Variants in ADAMTS3 observed in about 807,000 individuals in gnomAD.
ADAMTS3 encodes A disintegrin and metalloproteinase with thrombospondin motifs 3.
A neutral mutation model predicts 129.0 loss-of-function variants in ADAMTS3; 73 were observed. That is an observed-to-expected ratio of 0.57 (90% CI 0.47 to 0.69). The LOEUF is 0.69. ADAMTS3 is among the 30% of genes least tolerant of loss of function. The pLI is 0.00. For synonymous variants in ADAMTS3, 477 were observed against 510.8 expected, an observed-to-expected ratio of 0.93 and a Z score of 0.89; for missense variants, 1,457 against 1,514.5, an observed-to-expected ratio of 0.96 and a Z score of 0.63.
intron 3 of ADAMTS3, among the ~76,000 whole-genome samples, chr4:72,534,793 C>T (rs1463524922): frequency 1.3e-5 from 2 of 152,018 alleles, no homozygotes; most frequent in South Asian, 2.1e-4. Context: ...GAACATGTTC[C>T]TAATTTTTTT....
intron 5 of ADAMTS3, among the ~76,000 whole-genome samples, chr4:72,336,127 C>A (rs1719982000): frequency 6.6e-6 from 1 of 152,170 alleles, no homozygotes; most frequent in African/African-American, 2.4e-5. Context: ...AATGGAAGAG[C>A]ACATCTGCTG....
At chr4:72,285,320 T>C (rs919709624) in intron 21 of ADAMTS3, among the ~76,000 whole-genome samples, 2 of 152,214 alleles carry the variant, frequency 1.3e-5, no homozygotes, top group Admixed American at 6.5e-5. Context: ...CATCTAATTA[T>C]GTTATGAATG....
chr4:72,408,731 A>T (rs186884904), intron 4 of ADAMTS3, among the ~76,000 whole-genome samples: 91 of 152,204 alleles, frequency 6.0e-4, no homozygotes, highest in African/African-American at 2.1e-3. Context: ...CAGGCTTTAA[A>T]ATGTGGTTAA....
intron 9 of ADAMTS3, 59 bp from the exon 10 acceptor site, chr4:72,318,763 A>G (rs1470736670): frequency 6.5e-7 from 1 of 1,543,568 alleles, no homozygotes; most frequent in African/African-American, 1.4e-5. Context: ...TCATGTCCTG[A>G]TTTAAAAAAA....
At chr4:72,389,169 C>A (rs1721521101) in intron 4 of ADAMTS3, among the ~76,000 whole-genome samples, 1 of 152,164 alleles carries the variant, frequency 6.6e-6, no homozygotes, top group African/African-American at 2.4e-5. Flanking sequence ...AATATGCCAG[C>A]CAATGACCAA....
rs1719049539 is a variant in ADAMTS3 at position 72,305,155 on chromosome 4, G to GT, written c.2260+831dup. Among the ~76,000 whole-genome samples, 5 of 151,996 alleles carry GT rather than the reference G, an allele frequency of 3.3e-5. No homozygotes were observed. In the South Asian group the frequency reaches 1.0e-3, roughly 32 times the overall value. On this transcript the variant is annotated intron_variant, in intron 16 of 21. Coordinates refer to ENST00000286657, the MANE Select transcript of ADAMTS3 (RefSeq NM_014243.3). Reference sequence around the variant, plus strand: ...ATAGGCCAAGGAATAAGTAAGTTATGTTTACACTTGTCTATACAATTTAAA... The same window carrying GT: ...ATAGGCCAAGGAATAAGTAAGTTATGTTTTACACTTGTCTATACAATTTAAA...
chr4:72,548,803 G>A lies in ADAMTS3; in HGVS notation c.179C>T (p.Thr60Ile). ...CCTCTTTTTGTGACTCGCAGAAAGA[G>A]TATGGGAGAGATAGCGTCCTTCTAG... ...TNLEGRYLSHTLSASHKKRSA... is the reference protein window; with the variant it reads ...TNLEGRYLSHILSASHKKRSA... The change falls in exon 3 of 22, where the codon ACT becomes ATT. Residue 60 changes from threonine (T) to isoleucine (I), a missense_variant. By Grantham distance (89) the Thr-to-Ile change is moderately conservative. Transcript: ENST00000286657. 1 of 1,613,954 alleles carries A rather than the reference G, an allele frequency of 6.2e-7. No individual in the cohort carries two copies.
intron 4 of ADAMTS3, among the ~76,000 whole-genome samples, chr4:72,408,107 G>T (rs2109917488): frequency 6.6e-6 from 1 of 152,256 alleles, no homozygotes; most frequent in South Asian, 2.1e-4. Flanking sequence ...CATTAAAGGA[G>T]CATTTGTTTT....
chr4:72,555,935 A>G (rs1914701), intron 2 of ADAMTS3, among the ~76,000 whole-genome samples: 146,093 of 151,654 alleles, frequency 0.96, 70,761 homozygotes, highest in East Asian at 1. Flanking sequence ...ATGATTGTAC[A>G]TTTCCTGAGG....
chr4:72,319,199 A>C, intron 9 of ADAMTS3, 133 bp downstream of exon 9: 2 of 1,092,298 alleles, frequency 1.8e-6, no homozygotes, highest in South Asian at 3.0e-5. Context: ...TGAATGTTCT[A>C]AGTCATAAGA....
Position 72,281,395 on chromosome 4 carries a change from T to C in ADAMTS3, c.*1741A>G, listed in dbSNP as rs1479457528. 3 of 152,648 alleles carry C rather than the reference T, an allele frequency of 2.0e-5. No individual in the cohort carries two copies. The highest frequency in any genetic ancestry group is 4.8e-5 in the African/African-American group (2 of 41,466). 9.5% of individuals were successfully genotyped at this position (152,648 alleles called of 1,614,324 possible). A position where few individuals can be genotyped will look rare whatever the true frequency, so the allele number is the denominator to read the frequency against. On this transcript the variant is annotated 3_prime_UTR_variant, in exon 22 of 22. Transcript: ENST00000286657. ...CACATTCTGTGCTTTGAGAGGTTAA[T>C]TCATCTACATTTTAGTTTGTATAAT...
chr4:72,362,807 G>T (rs1390472585), intron 4 of ADAMTS3, among the ~76,000 whole-genome samples: 1 of 152,042 alleles, frequency 6.6e-6, no homozygotes, highest in Non-Finnish European at 1.5e-5. Flanking sequence ...TGGGCCTAAA[G>T]TAGTAAATAG....
chr4:72,412,026 C>A (rs777953645), intron 4 of ADAMTS3, among the ~76,000 whole-genome samples: 1 of 152,028 alleles, frequency 6.6e-6, no homozygotes, highest in African/African-American at 2.4e-5. Context: ...ACTGCCAAAT[C>A]AAGAAATGTA....
intron 2 of ADAMTS3, among the ~76,000 whole-genome samples, chr4:72,559,673 A>T (rs1341747656): frequency 6.6e-6 from 1 of 151,830 alleles, no homozygotes; most frequent in Non-Finnish European, 1.5e-5. Context: ...TCAAAGACAC[A>T]CTAATAACAA....
chr4:72,432,816 A>C lies in ADAMTS3; in HGVS notation c.505-17845T>G, dbSNP rs544646631. Among the ~76,000 whole-genome samples, 10 of 152,076 alleles carry C rather than the reference A, an allele frequency of 6.6e-5. No homozygotes were observed. In the South Asian group the frequency reaches 2.1e-3, roughly 31 times the overall value. On this transcript the variant is annotated intron_variant, in intron 3 of 21. Transcript: ENST00000286657. Reference sequence around the variant, plus strand: ...ATAATCAGTACATATACATCACAGCAAAAGAAAATGTGTATTACATGCCAA... The same window carrying C: ...ATAATCAGTACATATACATCACAGCCAAAGAAAATGTGTATTACATGCCAA...
intron 3 of ADAMTS3, among the ~76,000 whole-genome samples, chr4:72,467,479 C>A (rs1297287263): frequency 6.6e-6 from 1 of 152,034 alleles, no homozygotes; most frequent in South Asian, 2.1e-4. Context: ...AATATACATT[C>A]AAGAGACATG....
chr4:72,305,817 T>C (rs747083087), intron 16 of ADAMTS3, among the ~76,000 whole-genome samples, 170 bp downstream of exon 16: 8 of 152,000 alleles, frequency 5.3e-5, no homozygotes, highest in Non-Finnish European at 1.2e-4. Context: ...ATCATGCACA[T>C]GTACGCACAT....
At chr4:72,321,910 G>T (rs1719565877) in intron 6 of ADAMTS3, among the ~76,000 whole-genome samples, 1 of 151,986 alleles carries the variant, frequency 6.6e-6, no homozygotes, top group Non-Finnish European at 1.5e-5. Flanking sequence ...AGTTCAGGGG[G>T]GAAAAGGGCC....
rs1721324299 is a variant in ADAMTS3 at position 72,382,634 on chromosome 4, G to C, written c.661+32181C>G. Among the ~76,000 whole-genome samples, 3 of 152,094 alleles carry C rather than the reference G, an allele frequency of 2.0e-5. No individual in the cohort carries two copies. In the South Asian group the frequency reaches 6.2e-4, roughly 32 times the overall value. On this transcript the variant is annotated intron_variant, in intron 4 of 21. Coordinates refer to ENST00000286657, the MANE Select transcript of ADAMTS3 (RefSeq NM_014243.3). ...ATAGCAAAGTCATGGACTCAAACTA[G>C]GTGTCTATCAGTGAACTGGATAAAC...
Sources: gnomAD v4.1 joint callset for allele counts (sites outside exome capture counted in the v4.1 genomes callset) on GRCh38, gnomAD v4.1.1 for gene constraint, MANE v1.5 for transcripts, NCBI Gene and HGNC (gene_info 2026-07-23, HGNC 2026-07-21) for gene names.